Variants in ABCG2 observed in about 807,000 individuals in gnomAD.
ABCG2 encodes the protein ATP binding cassette subfamily G member 2 (JR blood group), also known as broad substrate specificity ATP-binding cassette transporter ABCG2.
ABCG2 carries 80 observed loss-of-function variants against 73.5 expected under a neutral mutation model. The observed-to-expected ratio is 1.09, with a 90% CI of 0.91 to 1.31. ABCG2 has a LOEUF of 1.31. Among genes scored for constraint, ABCG2 ranks in the 50% most tolerant of loss-of-function variants. The probability of loss-of-function intolerance (pLI) is 0.00; values close to 1 mark genes in which losing one functional copy is unlikely to be tolerated. For missense variants in ABCG2, 796 were observed against 786.2 expected, an observed-to-expected ratio of 1.01 and a Z score of -0.15; for synonymous variants, 269 against 282.4, an observed-to-expected ratio of 0.95 and a Z score of 0.48.
intron 1 of ABCG2, among the ~76,000 whole-genome samples, chr4:88,149,709 G>A (rs1211136355): frequency 2.0e-5 from 3 of 152,102 alleles, no homozygotes; most frequent in African/African-American, 7.2e-5. Context: ...AAATTAGTTG[G>A]GCATGGTAGC....
chr4:88,154,732 G>A (rs541967715), intron 1 of ABCG2, among the ~76,000 whole-genome samples: 54 of 152,262 alleles, frequency 3.5e-4, no homozygotes, highest in Non-Finnish European at 6.3e-4. Context: ...CAGGAACAAT[G>A]GTAATTGTGG....
In ABCG2 at chr4:88,152,620, G is replaced by C. The variant is rs190186006; in HGVS notation, c.-20+5766C>G. On this transcript the variant is annotated intron_variant, in intron 1 of 15. Coordinates refer to ENST00000237612, the MANE Select transcript of ABCG2 (RefSeq NM_004827.3). ...TTAAGGCAGGAACAGGCCATTTTCA[G>C]TTCTTTTGTGGTGGAATGTCATCAG... Among the ~76,000 whole-genome samples the C allele has an allele frequency of 4.0e-3, 602 of 152,242 alleles. 4 individuals carry two copies. Among genetic ancestry groups the C allele is most frequent in the African/African-American group, 0.014 (563 of 41,532 alleles).
chr4:88,121,907 C>T (rs750655384), intron 5 of ABCG2, 115 bp from the exon 6 acceptor site: 77 of 1,031,780 alleles, frequency 7.5e-5, no homozygotes, highest in Non-Finnish European at 9.0e-5. Context: ...TTCATTTATT[C>T]TGAACAGCAA....
chr4:88,130,479 A>C (rs1392965362), intron 5 of ABCG2, among the ~76,000 whole-genome samples: 1 of 152,054 alleles, frequency 6.6e-6, no homozygotes, highest in Admixed American at 6.6e-5. Flanking sequence ...TATTACAATG[A>C]AATAATAATA....
At chr4:88,117,950 A>G (rs1327648135) in intron 7 of ABCG2, among the ~76,000 whole-genome samples, 159 bp downstream of exon 7, 1 of 152,254 alleles carries the variant, frequency 6.6e-6, no homozygotes, top group Non-Finnish European at 1.5e-5. Flanking sequence ...ACAAAAATGA[A>G]GAAAAATACT....
At chr4:88,191,465 C>T (rs534090320) in intron 1 of ABCG2, among the ~76,000 whole-genome samples, 1 of 151,924 alleles carries the variant, frequency 6.6e-6, no homozygotes, top group East Asian at 1.9e-4. Context: ...CAGGTGTTGG[C>T]GAGATGATGT....
chr4:88,150,172 C>T (rs113118251), intron 1 of ABCG2, among the ~76,000 whole-genome samples: 4 of 152,130 alleles, frequency 2.6e-5, no homozygotes, highest in African/African-American at 9.6e-5. Context: ...CAAAAATTAT[C>T]CGGGTGTGGT....
At chr4:88,180,405 T>C (rs1053447290) in intron 1 of ABCG2, among the ~76,000 whole-genome samples, 1 of 152,130 alleles carries the variant, frequency 6.6e-6, no homozygotes, top group Non-Finnish European at 1.5e-5. Context: ...CAGGCCTATC[T>C]TACAAGAAAT....
At chr4:88,210,606 T>TC (rs1553900135) in intron 1 of ABCG2, among the ~76,000 whole-genome samples, 3 of 151,182 alleles carry the variant, frequency 2.0e-5, no homozygotes, top group African/African-American at 4.9e-5. Flanking sequence ...TTTTTTTTTT[T>TC]CTAAGAGATG....
rs529201239 is a variant in ABCG2, at chr4:88,090,349, T to C, written c.*1885A>G. On this transcript the variant is annotated 3_prime_UTR_variant, in exon 16 of 16. Transcript: ENST00000237612. ...TTTGAAGTATATTTTGTGTAAAAAG[T>C]ATAGATAGATATTTCTCTCTGTGTA... 1 of 152,200 alleles carries C rather than the reference T, an allele frequency of 6.6e-6. No homozygotes were observed. Among genetic ancestry groups the C allele is most frequent in the Non-Finnish European group, 1.5e-5 (1 of 68,008 alleles). The allele number at this position is 152,200 out of a possible 1,614,324, so 9.4% of individuals were successfully genotyped here.
intron 11 of ABCG2, among the ~76,000 whole-genome samples, chr4:88,100,565 G>A (rs979734383): frequency 1.1e-4 from 16 of 150,940 alleles, no homozygotes; most frequent in Non-Finnish European, 1.9e-4. Flanking sequence ...TGGGAGGACT[G>A]CGTAAGCCCC....
chr4:88,204,188 G>A (rs2110117197), intron 1 of ABCG2, among the ~76,000 whole-genome samples: 1 of 152,318 alleles, frequency 6.6e-6, no homozygotes, highest in South Asian at 2.1e-4. Flanking sequence ...TTGGGAGGCT[G>A]AGGCGGGCAG....
chr4:88,205,779 C>A (rs1287344731), intron 1 of ABCG2, among the ~76,000 whole-genome samples: 1 of 152,108 alleles, frequency 6.6e-6, no homozygotes. Context: ...GCCTCCCGGG[C>A]TCAAGCAATT....
chr4:88,157,621 G>T (rs1727032886), intron 1 of ABCG2, among the ~76,000 whole-genome samples: 1 of 151,928 alleles, frequency 6.6e-6, no homozygotes, highest in Non-Finnish European at 1.5e-5. Context: ...ATAATGGAAG[G>T]GTAATGTTAG....
At position 88,164,664 on chromosome 4, in the gene ABCG2, G is replaced by A. The variant is rs536394546; in HGVS notation, c.-19-24650C>T. Among the ~76,000 whole-genome samples the A allele has an allele frequency of 3.9e-4, 59 of 152,266 alleles. 1 individual carries two copies. Among genetic ancestry groups the A allele is most frequent in the Admixed American group, 8.5e-4 (13 of 15,300 alleles). On this transcript the variant is annotated intron_variant, in intron 1 of 15. Transcript: ENST00000515655. Reference sequence around the variant, plus strand: ...TCCTTTATAAATTACCCAGTCTCGGGTATGTCTTTATTAGCAGCATGAGAA... The same window carrying A: ...TCCTTTATAAATTACCCAGTCTCGGATATGTCTTTATTAGCAGCATGAGAA...
At chr4:88,161,330 C>T (rs1172965856), upstream of ABCG2, among the ~76,000 whole-genome samples, 67 of 93,078 alleles carry the variant, frequency 7.2e-4, no homozygotes, top group Non-Finnish European at 7.7e-4. Flanking sequence ...CCTCCCCCGA[C>T]CCCACCACAG....
intron 1 of ABCG2, among the ~76,000 whole-genome samples, chr4:88,216,167 G>A (rs1292643986): frequency 6.6e-6 from 1 of 152,172 alleles, no homozygotes; most frequent in Non-Finnish European, 1.5e-5. Context: ...AACCTTGAGC[G>A]ATATATCTGG....
intron 9 of ABCG2, among the ~76,000 whole-genome samples, chr4:88,111,140 G>A (rs564129244): frequency 3.3e-5 from 5 of 152,316 alleles, no homozygotes; most frequent in African/African-American, 4.8e-5. Flanking sequence ...CCACATAGGC[G>A]ATTTGGACAA....
At chr4:88,106,133 G>T (rs1722750519) in intron 10 of ABCG2, among the ~76,000 whole-genome samples, 1 of 151,686 alleles carries the variant, frequency 6.6e-6, no homozygotes, top group Non-Finnish European at 1.5e-5. Flanking sequence ...CTAAAATAGG[G>T]TTTTTTTTGT....
Sources: gnomAD v4.1 joint callset for allele counts (sites outside exome capture counted in the v4.1 genomes callset) on GRCh38, gnomAD v4.1.1 for gene constraint, MANE v1.5 for transcripts, NCBI Gene and HGNC (gene_info 2026-07-23, HGNC 2026-07-21) for gene names.